The following GRK5 variants were observed in gnomAD, a reference collection of about 807,000 sequenced individuals.
GRK5 encodes the protein G protein-coupled receptor kinase 5.
GRK5 carries 40 observed loss-of-function variants against 78.4 expected under a neutral mutation model. The observed-to-expected ratio is 0.51, with a 90% confidence interval of 0.40 to 0.66. The LOEUF (loss-of-function observed/expected upper bound fraction) is 0.66, where lower values mean the gene tolerates loss of function less well. GRK5 is among the 30% of genes least tolerant of loss of function. The pLI is 0.00. For synonymous variants in GRK5, 289 were observed against 296.8 expected (o/e 0.97, Z 0.27); for missense variants, 598 against 759.9 (o/e 0.79, Z 2.50).
intron 1 of GRK5, among the ~76,000 whole-genome samples, chr10:119,270,301 G>A (rs1387664647): frequency 6.6e-6 from 1 of 152,208 alleles, no homozygotes; most frequent in Non-Finnish European, 1.5e-5. Context: ...GGATACAACT[G>A]ACCGCAGATT....
chr10:119,235,491 G>A lies in GRK5; in HGVS notation c.52+27522G>A, dbSNP rs531644301. Among the ~76,000 whole-genome samples the A allele has an allele frequency of 1.6e-4, 25 of 152,286 alleles. No homozygotes were observed. In the East Asian group the frequency reaches 4.8e-3, roughly 29 times the overall value. On this transcript the variant is annotated intron_variant, in intron 1 of 15. Coordinates refer to ENST00000392870, the MANE Select transcript of GRK5 (RefSeq NM_005308.3). ...TGCACTGCTGTTTGTGGGCTGGCTG[G>A]CTGTGTCCCAAGTGCTGCAGAGTGG...
intron 2 of GRK5, among the ~76,000 whole-genome samples, chr10:119,376,310 G>C (rs914204151): frequency 2.0e-5 from 3 of 152,166 alleles, no homozygotes; most frequent in Admixed American, 1.3e-4. Context: ...TTCCAAGCCT[G>C]TTGCTGGATC....
At chr10:119,226,547 CTTTTTT>C (rs869156632) in intron 1 of GRK5, among the ~76,000 whole-genome samples, 1 of 125,030 alleles carries the variant, frequency 8.0e-6, no homozygotes, top group Non-Finnish European at 1.7e-5. Flanking sequence ...GTCTCTGTAT[CTTTTTT>C]TTTTTTTTTT....
chr10:119,459,630 T>C lies in GRK5; in HGVS notation c.*4563T>C, dbSNP rs1251873539. 1 of 152,248 alleles carries C rather than the reference T, an allele frequency of 6.6e-6. No homozygotes were observed. Among genetic ancestry groups the C allele is most frequent in the Non-Finnish European group, 1.5e-5 (1 of 68,046 alleles). The allele number at this position is 152,248 out of a possible 1,614,324, so 9.4% of individuals were successfully genotyped here. A position where few individuals can be genotyped will look rare whatever the true frequency, so the allele number is the denominator to read the frequency against. ...GGTCACTCCTGAAGGCAGCGGCTTCTGTTCTCCCGCTGCTGTAACTCTGTG... is the reference window on the plus strand; with the variant it reads ...GGTCACTCCTGAAGGCAGCGGCTTCCGTTCTCCCGCTGCTGTAACTCTGTG... On this transcript the variant is annotated 3_prime_UTR_variant, in exon 16 of 16. Transcript: ENST00000392870.
At chr10:119,225,178 A>G (rs1419391338) in intron 1 of GRK5, among the ~76,000 whole-genome samples, 1 of 152,206 alleles carries the variant, frequency 6.6e-6, no homozygotes, top group Non-Finnish European at 1.5e-5. Context: ...GCATGATTCT[A>G]ATGTTTTCTT....
At chr10:119,361,362 A>G (rs1225329415) in intron 2 of GRK5, among the ~76,000 whole-genome samples, 2 of 152,218 alleles carry the variant, frequency 1.3e-5, no homozygotes, top group Non-Finnish European at 2.9e-5. Context: ...CCTCGAGGCC[A>G]TCATGATTCA....
intron 1 of GRK5, among the ~76,000 whole-genome samples, chr10:119,314,312 C>T (rs964915072): frequency 2.6e-5 from 4 of 152,238 alleles, no homozygotes; most frequent in African/African-American, 9.7e-5. Flanking sequence ...TGGCTGTGCC[C>T]ACATCAGAGT....
chr10:119,214,300 A>G (rs1289423435), intron 1 of GRK5, among the ~76,000 whole-genome samples: 1 of 152,170 alleles, frequency 6.6e-6, no homozygotes, highest in Non-Finnish European at 1.5e-5. Context: ...TAACTGATCA[A>G]CTAGGTGTGA....
intron 1 of GRK5, among the ~76,000 whole-genome samples, chr10:119,232,694 C>G (rs776557112): frequency 6.6e-6 from 1 of 152,150 alleles, no homozygotes; most frequent in African/African-American, 2.4e-5. Flanking sequence ...CCATGTAAGA[C>G]GTGACTTGCT....
chr10:119,259,303 A>C (rs1023721454), intron 1 of GRK5, among the ~76,000 whole-genome samples: 1 of 151,924 alleles, frequency 6.6e-6, no homozygotes, highest in Non-Finnish European at 1.5e-5. Context: ...TGACCTCATG[A>C]TCCTCCCGCC....
At chr10:119,385,309 G>A (rs1851777113) in intron 3 of GRK5, among the ~76,000 whole-genome samples, 1 of 152,092 alleles carries the variant, frequency 6.6e-6, no homozygotes, top group Non-Finnish European at 1.5e-5. Context: ...CTGTCATCCA[G>A]GCTGGAGTGC....
chr10:119,329,415 A>G (rs1477471247), intron 2 of GRK5, among the ~76,000 whole-genome samples: 2 of 152,170 alleles, frequency 1.3e-5, no homozygotes, highest in East Asian at 3.9e-4. Flanking sequence ...TCGAGCCATG[A>G]GGGACGACAC....
chr10:119,433,425 C>T (rs1302654322), intron 8 of GRK5, among the ~76,000 whole-genome samples: 1 of 152,116 alleles, frequency 6.6e-6, no homozygotes, highest in African/African-American at 2.4e-5. Flanking sequence ...TCTTTAAGGG[C>T]CTTCAGTTAC....
chr10:119,226,940 C>T (rs1848750257), intron 1 of GRK5, among the ~76,000 whole-genome samples: 1 of 152,036 alleles, frequency 6.6e-6, no homozygotes, highest in African/African-American at 2.4e-5. Context: ...CTCACTGCCA[C>T]CTTGGCCTCC....
intron 2 of GRK5, among the ~76,000 whole-genome samples, chr10:119,335,171 T>TCTCTCTCTCTCC (rs1564895394): frequency 2.4e-5 from 3 of 126,968 alleles, no homozygotes; most frequent in African/African-American, 1.0e-4. Flanking sequence ...TCTCTCTCTC[T>TCTCTCTCTCTCC]CTCTCCCCCT....
chr10:119,246,102 C>T (rs1011613461), intron 1 of GRK5, among the ~76,000 whole-genome samples: 2 of 143,656 alleles, frequency 1.4e-5, no homozygotes, highest in Admixed American at 1.4e-4. Context: ...TTTAAAATCA[C>T]AATAAAAATA....
intron 1 of GRK5, among the ~76,000 whole-genome samples, chr10:119,226,291 C>CTT (rs923642113): frequency 1.6e-5 from 2 of 125,914 alleles, no homozygotes; most frequent in Non-Finnish European, 3.5e-5. Context: ...TCTTCTTTTT[C>CTT]TTTTTTTTTT....
At chr10:119,259,092 T>G (rs1405458269) in intron 1 of GRK5, among the ~76,000 whole-genome samples, 1 of 135,632 alleles carries the variant, frequency 7.4e-6, no homozygotes, top group Non-Finnish European at 1.5e-5. Flanking sequence ...TGAGACAGAG[T>G]CTCGCTCTTT....
chr10:119,385,880 CTTT>C (rs751627447), intron 3 of GRK5, among the ~76,000 whole-genome samples: 1 of 145,110 alleles, frequency 6.9e-6, no homozygotes, highest in Non-Finnish European at 1.5e-5. Context: ...GAGTTGTCAA[CTTT>C]TTTTTTTTTT....
Sources: gnomAD v4.1 joint callset for allele counts (sites outside exome capture counted in the v4.1 genomes callset) on GRCh38, gnomAD v4.1.1 for gene constraint, MANE v1.5 for transcripts, NCBI Gene and HGNC (gene_info 2026-07-23, HGNC 2026-07-21) for gene names.